Variants in EML2 observed in about 807,000 individuals in gnomAD.
EML2 encodes the protein echinoderm microtubule-associated protein-like 2.
EML2 carries 59 observed loss-of-function variants against 84.7 expected under a neutral mutation model. The observed-to-expected ratio is 0.70, with a 90% CI of 0.56 to 0.86. The LOEUF is 0.86. EML2 is among the 40% of genes least tolerant of loss of function. EML2 has a pLI of 0.00. For synonymous variants in EML2, 352 were observed against 348.9 expected (o/e 1.01, Z -0.10); for missense variants, 818 against 855.6 (o/e 0.96, Z 0.55).
Position 45,630,035 on chromosome 19 carries a change from G to C in EML2, c.522C>G (p.Asn174Lys). Residue 174 changes from asparagine (N) to lysine (K), a missense_variant, in exon 7 of 19, where the codon AAC becomes AAG. By Grantham distance (94) the Asn-to-Lys change is moderately conservative. Coordinates refer to ENST00000245925, the MANE Select transcript of EML2 (RefSeq NM_012155.4). Reference protein sequence around the residue: ...CVGFSKSNGGNLLCAVDESND... With the variant: ...CVGFSKSNGGKLLCAVDESND... ...TGGATTCATCCACTGCACACAGCAG[G>C]TTGCCTCCATTCTAAAGAGGAGGAG... 6.2e-7 allele frequency: 1 copy of C among 1,612,422 alleles called. No homozygotes were observed. Among genetic ancestry groups the C allele is most frequent in the South Asian group, 1.1e-5 (1 of 91,024 alleles).
intron 9 of EML2, among the ~76,000 whole-genome samples, chr19:45,621,906 G>T (rs920709479): frequency 6.6e-6 from 1 of 151,834 alleles, no homozygotes; most frequent in Non-Finnish European, 1.5e-5. Context: ...CACCATGCCT[G>T]GCGAATTTTT....
chr19:45,639,159 C>G (rs1974142141), intron 1 of EML2, 198 bp downstream of exon 1: 1 of 665,206 alleles, frequency 1.5e-6, no homozygotes, highest in African/African-American at 1.8e-5. Context: ...CCCTCCTAAT[C>G]AGCAAGGTGC....
intron 15 of EML2, 169 bp from the exon 16 acceptor site, chr19:45,616,058 ACT>A: frequency 1.6e-6 from 1 of 626,444 alleles, no homozygotes; most frequent in East Asian, 2.8e-5. Flanking sequence ...GGGCCAGAAT[ACT>A]GTGGGCGGGG....
Position 45,634,460 on chromosome 19 carries a change from C to A in EML2, c.191G>T (p.Arg64Leu), listed in dbSNP as rs200186061. The A allele has an allele frequency of 1.2e-6, 2 of 1,610,532 alleles. No individual in the cohort carries two copies. The highest frequency in any genetic ancestry group is 2.2e-5 in the East Asian group (1 of 44,636). ...AAGGTTGGCCCGGCAGTCTCGGCCACGGTAGCCATAGCTGGAGCCACCCAG... is the reference window on the plus strand; with the variant it reads ...AAGGTTGGCCCGGCAGTCTCGGCCAAGGTAGCCATAGCTGGAGCCACCCAG... ...RLKLEWVYGYRGRDCRANLYL... is the reference protein window; with the variant it reads ...RLKLEWVYGYLGRDCRANLYL... Residue 64 changes from arginine to leucine, a missense_variant, in exon 4 of 19, where the codon CGT becomes CTT. Arg to Leu is a moderately radical substitution (Grantham distance 102). Coordinates refer to ENST00000245925, the MANE Select transcript of EML2 (RefSeq NM_012155.4).
chr19:45,638,382 C>CA (rs1974019428), intron 3 of EML2, 123 bp downstream of exon 3: 9 of 1,429,282 alleles, frequency 6.3e-6, no homozygotes, highest in Non-Finnish European at 7.8e-6. Flanking sequence ...AGGCAGGTCT[C>CA]AAACTCTTGG....
At position 45,625,129 on chromosome 19, in the gene EML2, T is replaced by C. The variant is rs1430633471; in HGVS notation, c.742-311A>G. Among the ~76,000 whole-genome samples, 6 of 152,126 alleles carry C rather than the reference T, an allele frequency of 3.9e-5. No homozygotes were observed. In the East Asian group the frequency reaches 1.2e-3, roughly 29 times the overall value. On this transcript the variant is annotated intron_variant, in intron 8 of 18. Coordinates refer to ENST00000245925, the MANE Select transcript of EML2 (RefSeq NM_012155.4). ...TCATCTAGACCGGAGTGCAGTGGCA[T>C]GTCTCGGCTCACAGCAACCTCCCCC...
At chr19:45,633,016 G>C (rs1380820273) in intron 5 of EML2, 45 bp from the exon 6 acceptor site, 2 of 1,603,364 alleles carry the variant, frequency 1.2e-6, no homozygotes, top group African/African-American at 1.3e-5. Flanking sequence ...CCAGCTGCTT[G>C]TCCCCCACAA....
intron 9 of EML2, 104 bp from the exon 10 acceptor site, chr19:45,621,741 C>A: frequency 4.0e-6 from 5 of 1,235,468 alleles, no homozygotes; most frequent in Non-Finnish European, 4.4e-6. Context: ...TTCTCACCCA[C>A]TTTTCCACCT....
At chr19:45,642,490 G>T (rs1391112410), upstream of EML2, 1 of 1,434,180 alleles carries the variant, frequency 7.0e-7, no homozygotes, top group East Asian at 2.5e-5. Flanking sequence ...GGGACACTTG[G>T]ACATGAGCCA....
upstream of EML2, chr19:45,645,440 A>T (rs1974966138): frequency 6.9e-7 from 1 of 1,441,188 alleles, no homozygotes; most frequent in Non-Finnish European, 9.0e-7. Context: ...CCTTCGTTCC[A>T]GCATCCCCAG....
upstream of EML2, among the ~76,000 whole-genome samples, chr19:45,643,098 C>T (rs937864946): frequency 3.3e-5 from 5 of 152,176 alleles, no homozygotes; most frequent in Admixed American, 2.0e-4. Flanking sequence ...CAACCTACTC[C>T]TAATGACACT....
upstream of EML2, chr19:45,643,769 C>T (rs1974812194): frequency 6.7e-7 from 1 of 1,492,710 alleles, no homozygotes; most frequent in Non-Finnish European, 8.9e-7. Flanking sequence ...AGCCCAATCG[C>T]CTGCCGAGGC....
chr19:45,644,722 C>A (rs1420509545), upstream of EML2: 7 of 456,084 alleles, frequency 1.5e-5, 1 homozygote, highest in South Asian at 1.1e-4. Flanking sequence ...AGCCCGACAC[C>A]CACAGTGGTC....
At chr19:45,620,657 G>A (rs545932227) in intron 11 of EML2, among the ~76,000 whole-genome samples, 46 of 150,400 alleles carry the variant, frequency 3.1e-4, no homozygotes, top group African/African-American at 1.0e-3. Flanking sequence ...GCAATGAGCC[G>A]AGATTGAGCC....
At chr19:45,643,605 G>A (rs917742841), upstream of EML2, 17 of 1,536,014 alleles carry the variant, frequency 1.1e-5, no homozygotes, top group Non-Finnish European at 1.5e-5. Context: ...CCACAACCAA[G>A]GAAGCCCTGG....
In EML2 at chr19:45,634,299, G is replaced by A. The variant is rs200016623; in HGVS notation, c.329+23C>T. ...CCATCTCCAGCCACAGCTCCCTCCC[G>A]TCCCCTCTGTCCCACATCTCACCAT... On this transcript the variant is annotated intron_variant, in intron 4 of 18. Transcript: ENST00000245925. The A allele has an allele frequency of 2.6e-5, 42 of 1,611,920 alleles. No individual in the cohort carries two copies. In the East Asian group the frequency reaches 7.4e-4, roughly 28 times the overall value.
chr19:45,611,910 C>A (rs959725201), intron 18 of EML2, among the ~76,000 whole-genome samples: 4 of 152,146 alleles, frequency 2.6e-5, no homozygotes, highest in African/African-American at 9.6e-5. Context: ...GCCTTGCTGT[C>A]GCTCAGGCTG....
At position 45,626,620 on chromosome 19, in the gene EML2, C is replaced by G. The variant is rs991369918; in HGVS notation, c.741+85G>C. 44 of 1,480,050 alleles carry G rather than the reference C, an allele frequency of 3.0e-5. No individual in the cohort carries two copies. In the African/African-American group the frequency reaches 5.7e-4, roughly 19 times the overall value. The allele number at this position is 1,480,050 out of a possible 1,614,324, so 91.7% of individuals were successfully genotyped here. A position where few individuals can be genotyped will look rare whatever the true frequency, so the allele number is the denominator to read the frequency against. On this transcript the variant is annotated intron_variant, in intron 8 of 18. Coordinates refer to ENST00000245925, the MANE Select transcript of EML2 (RefSeq NM_012155.4). ...TCCCTGTAATCCCAAACCCCTGCCACCCTCTGGGGGATCTTGCTACCTCCC... is the reference window on the plus strand; with the variant it reads ...TCCCTGTAATCCCAAACCCCTGCCAGCCTCTGGGGGATCTTGCTACCTCCC...
At chr19:45,620,893 G>T in intron 11 of EML2, 1 of 453,396 alleles carries the variant, frequency 2.2e-6, no homozygotes. Flanking sequence ...TGGAGTCTGA[G>T]AGGTGTGTGG....
Sources: gnomAD v4.1 joint callset for allele counts (sites outside exome capture counted in the v4.1 genomes callset) on GRCh38, gnomAD v4.1.1 for gene constraint, MANE v1.5 for transcripts, NCBI Gene and HGNC (gene_info 2026-07-23, HGNC 2026-07-21) for gene names.